The following VDAC1 variants were observed in gnomAD, a reference collection of about 807,000 sequenced individuals.
VDAC1 encodes voltage dependent anion channel 1.
A neutral mutation model predicts 34.7 loss-of-function variants in VDAC1; 10 were observed. The ratio of observed to expected loss-of-function variants is 0.29; its 90% CI spans 0.18 to 0.49. VDAC1 has a LOEUF of 0.49. Among genes scored for constraint, VDAC1 ranks in the 20% least tolerant of loss-of-function variants. The pLI is 0.99. For missense variants in VDAC1, 230 were observed against 347.9 expected, an observed-to-expected ratio of 0.66 and a Z score of 2.69; for synonymous variants, 130 against 136.0, an observed-to-expected ratio of 0.96 and a Z score of 0.30.
chr5:134,041,822 C>A, the VDAC1 span, among the ~76,000 whole-genome samples: 3 of 152,128 alleles, frequency 2.0e-5, no homozygotes, highest in African/African-American at 7.2e-5. Flanking sequence ...CCAGGGTGGG[C>A]TGGCCAGTCA....
At chr5:134,033,828 T>C in the VDAC1 span, among the ~76,000 whole-genome samples, 29,947 of 151,308 alleles carry the variant, frequency 0.2, 3,492 homozygotes, top group African/African-American at 0.32. Context: ...CCGTCTCTAC[T>C]AAAAATACAA....
At chr5:134,114,457 G>A in the VDAC1 span, among the ~76,000 whole-genome samples, 1 of 152,182 alleles carries the variant, frequency 6.6e-6, no homozygotes, top group African/African-American at 2.4e-5. Context: ...TTGTAGGTGA[G>A]TAAGCGGGGT....
At chr5:133,980,352 G>A (rs931187749) in intron 6 of VDAC1, among the ~76,000 whole-genome samples, 2 of 152,156 alleles carry the variant, frequency 1.3e-5, no homozygotes, top group African/African-American at 4.8e-5. Flanking sequence ...ATGTCATCAA[G>A]CCCAGCAGGC....
At chr5:134,086,599 C>T in the VDAC1 span, among the ~76,000 whole-genome samples, 1 of 152,206 alleles carries the variant, frequency 6.6e-6, no homozygotes, top group African/African-American at 2.4e-5. Flanking sequence ...CGTTTCCCAC[C>T]ATTTTCCTCC....
At chr5:134,021,750 A>C in the VDAC1 span, among the ~76,000 whole-genome samples, 1 of 152,206 alleles carries the variant, frequency 6.6e-6, no homozygotes, top group African/African-American at 2.4e-5. Context: ...TGGGATGTGC[A>C]GGTGGGGGGG....
chr5:134,067,428 TAAAAAAAAAA>T, the VDAC1 span, among the ~76,000 whole-genome samples: 1 of 96,826 alleles, frequency 1.0e-5, no homozygotes, highest in Admixed American at 1.2e-4. Context: ...TTACATATTC[TAAAAAAAAAA>T]AAAAAAAAAA....
intron 1 of VDAC1, among the ~76,000 whole-genome samples, chr5:134,001,316 A>G (rs1753542387): frequency 6.6e-6 from 1 of 152,182 alleles, no homozygotes; most frequent in African/African-American, 2.4e-5. Context: ...CTCCCAGGGT[A>G]TAGGGTGGTG....
At chr5:134,017,659 A>T in the VDAC1 span, among the ~76,000 whole-genome samples, 2 of 152,190 alleles carry the variant, frequency 1.3e-5, no homozygotes, top group African/African-American at 2.4e-5. Flanking sequence ...CACGCTTGTA[A>T]TCCCAGCACT....
At chr5:133,997,707 C>CAAAAAAAAAA (rs67591375) in intron 1 of VDAC1, among the ~76,000 whole-genome samples, 2 of 58,344 alleles carry the variant, frequency 3.4e-5, no homozygotes, top group Non-Finnish European at 5.9e-5. Context: ...GACTGTCTCA[C>CAAAAAAAAAA]AAAAAAAAAA....
At chr5:134,020,662 T>C in the VDAC1 span, among the ~76,000 whole-genome samples, 2 of 68,444 alleles carry the variant, frequency 2.9e-5, no homozygotes, top group Non-Finnish European at 7.1e-5. Flanking sequence ...TTTTGTTTGT[T>C]TGTTTGTTTG....
chr5:134,057,307 C>T, the VDAC1 span, among the ~76,000 whole-genome samples: 3 of 151,980 alleles, frequency 2.0e-5, no homozygotes, highest in Non-Finnish European at 2.9e-5. Flanking sequence ...TGGTGAAACC[C>T]CATCTCTACT....
the VDAC1 span, among the ~76,000 whole-genome samples, chr5:134,076,378 T>C: frequency 6.6e-6 from 1 of 152,194 alleles, no homozygotes. Context: ...CAGGTCACTT[T>C]CTGCAAGGTC....
the VDAC1 span, among the ~76,000 whole-genome samples, chr5:134,032,124 C>CAAAAAAAAAAAAAAAAAAAAAAAAAAAAA: frequency 9.1e-4 from 33 of 36,126 alleles, 3 homozygotes; most frequent in East Asian, 2.0e-3. Context: ...CTCTGCCTCA[C>CAAAAAAAAAAAAAAAAAAAAAAAAAAAAA]AAAAAAAAAA....
At chr5:134,106,571 C>G in the VDAC1 span, among the ~76,000 whole-genome samples, 1 of 152,038 alleles carries the variant, frequency 6.6e-6, no homozygotes, top group Non-Finnish European at 1.5e-5. Context: ...CCACACCCAG[C>G]TAATTTTTGT....
chr5:134,071,661 T>C, the VDAC1 span, among the ~76,000 whole-genome samples: 21 of 152,182 alleles, frequency 1.4e-4, no homozygotes, highest in African/African-American at 4.6e-4. This position sits in a 1 kb window ranked among gnomAD's most constrained non-coding sequence, Gnocchi z 4.1. Flanking sequence ...TTGAAAGAAA[T>C]GAGAAGTTAA....
the VDAC1 span, among the ~76,000 whole-genome samples, chr5:134,043,011 G>A: frequency 6.6e-6 from 1 of 151,594 alleles, no homozygotes; most frequent in African/African-American, 2.4e-5. Context: ...TTCTTTTCCT[G>A]AGCTTGGATG....
At chr5:134,025,452 A>G in the VDAC1 span, among the ~76,000 whole-genome samples, 1 of 152,152 alleles carries the variant, frequency 6.6e-6, no homozygotes, top group African/African-American at 2.4e-5. Context: ...AGGGACAAAT[A>G]TCTAGACCAT....
rs779731937 is a variant in VDAC1, at chr5:133,990,992, C to A, written c.270+10G>T. ...TTAATAAATCCACATCTTTTCACAG[C>A]AGCCATTACCTGATCTTCCACAGTA... On this transcript the variant is annotated intron_variant, in intron 4 of 8. Coordinates refer to ENST00000265333, the MANE Select transcript of VDAC1 (RefSeq NM_003374.3). The A allele has an allele frequency of 1.7e-5, 28 of 1,613,272 alleles. No individual in the cohort carries two copies. In the Admixed American group the frequency reaches 3.7e-4, roughly 21 times the overall value.
chr5:134,032,449 C>T, the VDAC1 span, among the ~76,000 whole-genome samples: 5 of 152,140 alleles, frequency 3.3e-5, no homozygotes, highest in Non-Finnish European at 5.9e-5. Context: ...CCAACCCACT[C>T]CTAGGATTTC....
Sources: allele counts gnomAD v4.1 joint callset (sites outside exome capture counted in the v4.1 genomes callset), GRCh38; gene constraint gnomAD v4.1.1; non-coding constraint Gnocchi (gnomAD v3.1); transcripts MANE v1.5; gene names NCBI Gene and HGNC (gene_info 2026-07-23, HGNC 2026-07-21).